PTPRM: variants seen among roughly 807,000 people sequenced by gnomAD.
PTPRM encodes the protein receptor-type tyrosine-protein phosphatase mu.
A neutral mutation model predicts 186.7 loss-of-function variants in PTPRM; 47 were observed. That is an observed-to-expected ratio of 0.25 (90% CI 0.20 to 0.32). PTPRM has a LOEUF of 0.32. PTPRM is among the 10% of genes least tolerant of loss of function. PTPRM has a pLI of 1.00. For missense variants in PTPRM, 1,494 were observed against 1,865.0 expected (o/e 0.80, Z 3.66); for synonymous variants, 668 against 674.9 (o/e 0.99, Z 0.16).
At chr18:8,124,451 T>G (rs2092275261) in intron 13 of PTPRM, among the ~76,000 whole-genome samples, 1 of 152,186 alleles carries the variant, frequency 6.6e-6, no homozygotes, top group Admixed American at 6.6e-5. Context: ...TTGACATTTA[T>G]TGAGCACCTT....
rs192465785 is a variant in PTPRM at position 7,715,267 on chromosome 18, G to A, written c.74-58882G>A. 8.5e-5 allele frequency among the ~76,000 whole-genome samples: 13 copies of A among 152,166 alleles called. No homozygotes were observed. In the East Asian group the frequency reaches 2.5e-3, roughly 29 times the overall value. On this transcript the variant is annotated intron_variant, in intron 1 of 32. Transcript: ENST00000580170. ...ACCAATGACAAAACCACATGATTAT[G>A]TCAATAGATCCAGAAAAGGCTTTTG... is the stretch of plus-strand genomic sequence containing the variant.
At position 7,788,629 on chromosome 18, in the gene PTPRM, A is replaced by G. The variant is rs529910707; in HGVS notation, c.196+14358A>G. ...GACAAAATGATACAAAGGTGGCTAA[A>G]CATGTTTTGAAAGACTTGAAAATTG... On this transcript the variant is annotated intron_variant, in intron 2 of 32. Coordinates refer to ENST00000580170, the MANE Select transcript of PTPRM (RefSeq NM_001105244.2). Among the ~76,000 whole-genome samples the G allele has an allele frequency of 2.6e-5, 4 of 152,332 alleles. 1 individual carries two copies. In the South Asian group the frequency reaches 8.3e-4, roughly 32 times the overall value.
intron 21 of PTPRM, among the ~76,000 whole-genome samples, chr18:8,316,680 G>A (rs1022192982): frequency 6.6e-6 from 1 of 152,102 alleles, no homozygotes; most frequent in African/African-American, 2.4e-5. Context: ...AGGAGAAATG[G>A]GCAATAAATT....
intron 2 of PTPRM, among the ~76,000 whole-genome samples, chr18:7,780,388 C>T (rs980258870): frequency 1.4e-4 from 22 of 152,248 alleles, no homozygotes; most frequent in South Asian, 2.1e-4. Context: ...ATTCTCTTCA[C>T]GTGAGAACAT....
At chr18:7,626,138 A>G (rs2038056450) in intron 1 of PTPRM, among the ~76,000 whole-genome samples, 1 of 152,260 alleles carries the variant, frequency 6.6e-6, no homozygotes, top group Non-Finnish European at 1.5e-5. Flanking sequence ...GGAAAAGGAA[A>G]GGCTCTGTAG....
chr18:7,973,662 G>A (rs769597045), intron 7 of PTPRM, among the ~76,000 whole-genome samples: 8 of 151,824 alleles, frequency 5.3e-5, no homozygotes, highest in Admixed American at 1.3e-4. Flanking sequence ...TTTATTTGTG[G>A]TTTATTATAG....
intron 1 of PTPRM, among the ~76,000 whole-genome samples, chr18:7,669,530 T>G (rs1212026328): frequency 6.6e-6 from 1 of 152,188 alleles, no homozygotes; most frequent in Non-Finnish European, 1.5e-5. Context: ...GGTCACGGTT[T>G]GCTTGGAAAC....
At chr18:7,665,542 T>G (rs2039076597) in intron 1 of PTPRM, among the ~76,000 whole-genome samples, 1 of 152,246 alleles carries the variant, frequency 6.6e-6, no homozygotes. Flanking sequence ...CTGGTGATTT[T>G]ATTTTGCTTG....
At chr18:7,688,184 A>G (rs531360173) in intron 1 of PTPRM, among the ~76,000 whole-genome samples, 3 of 152,264 alleles carry the variant, frequency 2.0e-5, no homozygotes, top group Admixed American at 6.5e-5. Context: ...AGTGTAAGCT[A>G]CTTCCCAGCC....
intron 1 of PTPRM, among the ~76,000 whole-genome samples, chr18:7,715,995 G>T (rs549090969): frequency 6.6e-6 from 1 of 152,206 alleles, no homozygotes; most frequent in East Asian, 1.9e-4. Context: ...TTTCTTCAGA[G>T]AATTAGAAAA....
chr18:8,249,647 G>A (rs72911289), intron 17 of PTPRM, among the ~76,000 whole-genome samples: 6,566 of 152,256 alleles, frequency 0.043, 192 homozygotes, highest in Non-Finnish European at 0.07. Context: ...GGGCTAAAAC[G>A]TGCCTTGTCA....
intron 7 of PTPRM, among the ~76,000 whole-genome samples, chr18:7,978,785 A>G (rs1348043014): frequency 2.6e-5 from 4 of 152,200 alleles, no homozygotes; most frequent in Non-Finnish European, 4.4e-5. Flanking sequence ...TAAGGTTAGG[A>G]TATGAAACAT....
At chr18:8,381,150 A>G (rs2095732516) in intron 29 of PTPRM, among the ~76,000 whole-genome samples, 1 of 152,192 alleles carries the variant, frequency 6.6e-6, no homozygotes, top group African/African-American at 2.4e-5. Flanking sequence ...ATGGAGTTAG[A>G]CACATTTTCT....
At chr18:8,239,502 T>TA (rs2094392078) in intron 14 of PTPRM, among the ~76,000 whole-genome samples, 1 of 150,804 alleles carries the variant, frequency 6.6e-6, no homozygotes, top group African/African-American at 2.5e-5. Flanking sequence ...TTAAAACTAA[T>TA]TCCCCCTGGA....
intron 1 of PTPRM, among the ~76,000 whole-genome samples, chr18:7,759,372 G>T (rs986548780): frequency 6.6e-6 from 1 of 152,252 alleles, no homozygotes; most frequent in African/African-American, 2.4e-5. Context: ...CAAATATATG[G>T]TGACACTTTG....
intron 2 of PTPRM, among the ~76,000 whole-genome samples, chr18:7,820,417 C>T (rs985741875): frequency 2.0e-5 from 3 of 152,184 alleles, no homozygotes; most frequent in Non-Finnish European, 2.9e-5. Flanking sequence ...AATGTGGCCT[C>T]TGCAAGTCTT....
chr18:7,860,257 G>C (rs2047303551), intron 2 of PTPRM, among the ~76,000 whole-genome samples: 1 of 151,994 alleles, frequency 6.6e-6, no homozygotes, highest in Non-Finnish European at 1.5e-5. Context: ...ATTTTTAGTA[G>C]AGACGGGGTT....
intron 1 of PTPRM, among the ~76,000 whole-genome samples, chr18:7,712,022 G>A (rs1000551852): frequency 1.3e-5 from 2 of 152,080 alleles, no homozygotes; most frequent in Admixed American, 6.5e-5. Flanking sequence ...AGGGAGCTCC[G>A]CTAAGGGTCA....
chr18:8,024,828 T>C (rs777694202), intron 7 of PTPRM, among the ~76,000 whole-genome samples: 28 of 152,002 alleles, frequency 1.8e-4, no homozygotes, highest in Non-Finnish European at 3.4e-4. Context: ...GTACTACAGA[T>C]GCATGCCACC....
Sources: gnomAD v4.1 joint callset for allele counts (sites outside exome capture counted in the v4.1 genomes callset) on GRCh38, gnomAD v4.1.1 for gene constraint, MANE v1.5 for transcripts, NCBI Gene and HGNC (gene_info 2026-07-23, HGNC 2026-07-21) for gene names.